The following KIF21A variants were observed in gnomAD, a reference collection of about 807,000 sequenced individuals.
KIF21A encodes kinesin family member 21A.
In KIF21A, 114 loss-of-function variants were observed where a neutral mutation model predicts 202.9. The observed-to-expected ratio is 0.56, with a 90% CI of 0.48 to 0.66. KIF21A has a LOEUF of 0.66. Ranked by LOEUF, KIF21A falls within the 30% of genes least tolerant of loss-of-function variation. The pLI, the probability that KIF21A is intolerant of heterozygous loss-of-function variation, is 0.00. For synonymous variants in KIF21A, 667 were observed against 670.8 expected, an observed-to-expected ratio of 0.99 and a Z score of 0.09; for missense variants, 1,677 against 1,994.9, an observed-to-expected ratio of 0.84 and a Z score of 3.04.
intron 37 of KIF21A, among the ~76,000 whole-genome samples, chr12:39,296,796 C>T (rs963818139): frequency 3.8e-4 from 58 of 152,022 alleles, no homozygotes; most frequent in African/African-American, 1.3e-3. Flanking sequence ...AAGGCAAGGG[C>T]GATAATAGAT....
chr12:39,341,383 T>C (rs940064569), intron 14 of KIF21A, 122 bp downstream of exon 14: 3 of 911,424 alleles, frequency 3.3e-6, no homozygotes, highest in African/African-American at 1.7e-5. Flanking sequence ...AAGGCAAATG[T>C]AGGTCAGTGG....
rs187820144 is a variant in KIF21A, at chr12:39,296,312, G to A, written c.4932-1795C>T. On this transcript the variant is annotated intron_variant, in intron 37 of 37. Transcript: ENST00000361418. ...TCCCGATCTCCTGACCTCATGACCCGCCTGCCTCGGCCTCCCAAAGTGCTG... is the reference window on the plus strand; with the variant it reads ...TCCCGATCTCCTGACCTCATGACCCACCTGCCTCGGCCTCCCAAAGTGCTG... Among the ~76,000 whole-genome samples, 386 of 151,688 alleles carry A rather than the reference G, an allele frequency of 2.5e-3. 1 individual carries two copies. Among genetic ancestry groups the A allele is most frequent in the South Asian group, 0.012 (56 of 4,810 alleles).
intron 1 of KIF21A, among the ~76,000 whole-genome samples, chr12:39,434,410 G>A (rs181062546): frequency 2.0e-5 from 3 of 152,086 alleles, no homozygotes; most frequent in South Asian, 2.1e-4. Flanking sequence ...ATGATCTTTC[G>A]GAGGGACACA....
chr12:39,321,568 T>C (rs1036367730), intron 27 of KIF21A: 1 of 152,216 alleles, frequency 6.6e-6, no homozygotes, highest in Admixed American at 6.5e-5. Context: ...CAACAGTTAA[T>C]TACATAGGCC....
In KIF21A at chr12:39,442,713, G is replaced by A. The variant is rs1939819770; in HGVS notation, c.44+214C>T. ...CAGCCGCCAGCCACCTGCAAACACA[G>A]ACGGCGTGAGGGCGGCGCAGTCGCC... On this transcript the variant is annotated intron_variant, in intron 1 of 37. Coordinates refer to ENST00000361418, the MANE Select transcript of KIF21A (RefSeq NM_001173464.2). The surrounding 1 kb of genome is among the most constrained non-coding windows in gnomAD (Gnocchi z 5.0). 6.6e-6 allele frequency among the ~76,000 whole-genome samples: 1 copy of A among 152,116 alleles called. No homozygotes were observed. Among genetic ancestry groups the A allele is most frequent in the Non-Finnish European group, 1.5e-5 (1 of 68,016 alleles).
At chr12:39,343,238 T>C (rs1947596507) in intron 12 of KIF21A, among the ~76,000 whole-genome samples, 1 of 152,054 alleles carries the variant, frequency 6.6e-6, no homozygotes. Context: ...CGCACACTTG[T>C]AATCCCAGCT....
intron 12 of KIF21A, among the ~76,000 whole-genome samples, chr12:39,342,799 G>A (rs557843049): frequency 1.8e-4 from 27 of 152,212 alleles, no homozygotes; most frequent in Admixed American, 1.5e-3. Context: ...AGGGTCTGCC[G>A]CAAGATTCAC....
intron 1 of KIF21A, among the ~76,000 whole-genome samples, chr12:39,371,620 A>C (rs1290793935): frequency 6.6e-6 from 1 of 152,172 alleles, no homozygotes; most frequent in Admixed American, 6.6e-5. Flanking sequence ...CAGTTTAAGG[A>C]AGAAAGGCAA....
chr12:39,356,651 A>C (rs920805133), intron 10 of KIF21A, 181 bp downstream of exon 10: 2 of 469,088 alleles, frequency 4.3e-6, no homozygotes, highest in African/African-American at 4.0e-5. Context: ...GGAGGAAAAC[A>C]GCTTGGAATA....
chr12:39,435,892 C>G (rs2140421654), intron 1 of KIF21A, among the ~76,000 whole-genome samples: 1 of 152,290 alleles, frequency 6.6e-6, no homozygotes, highest in Admixed American at 6.5e-5. Flanking sequence ...GTTGTGAAAG[C>G]ATTAATGTGC....
chr12:39,343,996 G>A (rs934499724), intron 12 of KIF21A, among the ~76,000 whole-genome samples: 1 of 152,136 alleles, frequency 6.6e-6, no homozygotes, highest in African/African-American at 2.4e-5. Context: ...TATATACGGA[G>A]AGAGAAGAAA....
intron 1 of KIF21A, among the ~76,000 whole-genome samples, chr12:39,438,266 C>A (rs1044131091): frequency 6.6e-6 from 1 of 152,038 alleles, no homozygotes; most frequent in East Asian, 1.9e-4. Flanking sequence ...ATAAGGATAC[C>A]TAAAGAAATT....
chr12:39,359,779 A>G (rs1333119695), intron 7 of KIF21A, among the ~76,000 whole-genome samples: 1 of 150,378 alleles, frequency 6.6e-6, no homozygotes, highest in Non-Finnish European at 1.5e-5. Flanking sequence ...TTGAGTAAGC[A>G]CAGGTACATA....
At chr12:39,425,787 G>T (rs1382769810) in intron 1 of KIF21A, among the ~76,000 whole-genome samples, 1 of 151,968 alleles carries the variant, frequency 6.6e-6, no homozygotes, top group East Asian at 1.9e-4. Flanking sequence ...TCCACCCAAG[G>T]TTAAAAACTA....
intron 1 of KIF21A, among the ~76,000 whole-genome samples, chr12:39,441,964 T>C (rs1939704135): frequency 6.6e-6 from 1 of 152,160 alleles, no homozygotes; most frequent in Non-Finnish European, 1.5e-5. Context: ...GCACTTACTC[T>C]AGGATGAATG....
At chr12:39,346,815 C>CT (rs955568626) in intron 11 of KIF21A, among the ~76,000 whole-genome samples, 5 of 151,316 alleles carry the variant, frequency 3.3e-5, no homozygotes, top group Non-Finnish European at 7.4e-5. Flanking sequence ...GCTTGGATGC[C>CT]TTTTTTTTAG....
chr12:39,329,231 T>C (rs963241173), intron 24 of KIF21A, among the ~76,000 whole-genome samples: 1 of 152,212 alleles, frequency 6.6e-6, no homozygotes, highest in Non-Finnish European at 1.5e-5. Context: ...AGTCATAGGA[T>C]ACATTAGCTG....
intron 1 of KIF21A, among the ~76,000 whole-genome samples, chr12:39,375,731 G>C (rs1467706277): frequency 6.6e-6 from 1 of 152,048 alleles, no homozygotes; most frequent in African/African-American, 2.4e-5. Context: ...CACTATTTAT[G>C]ATACAGTAAT....
At chr12:39,416,728 T>C (rs1295058018) in intron 1 of KIF21A, among the ~76,000 whole-genome samples, 3 of 113,304 alleles carry the variant, frequency 2.6e-5, no homozygotes, top group Middle Eastern at 4.5e-3. Context: ...TATATGTACA[T>C]ATATATGTGT....
Sources: gnomAD v4.1 joint callset for allele counts (sites outside exome capture counted in the v4.1 genomes callset) on GRCh38, gnomAD v4.1.1 for gene constraint, Gnocchi (gnomAD v3.1) non-coding constraint, MANE v1.5 for transcripts, NCBI Gene and HGNC (gene_info 2026-07-23, HGNC 2026-07-21) for gene names.